Variants in ANO2 observed in about 807,000 individuals in gnomAD.
ANO2 encodes the protein anoctamin-2.
In ANO2, 101 loss-of-function variants were observed where a neutral mutation model predicts 124.2. That is an observed-to-expected ratio of 0.81 (90% CI 0.69 to 0.96). The LOEUF (loss-of-function observed/expected upper bound fraction) is 0.96, where lower values mean the gene tolerates loss of function less well. Ranked by LOEUF, ANO2 falls within the 40% of genes least tolerant of loss-of-function variation. The probability of loss-of-function intolerance (pLI) is 0.00; values close to 1 mark genes in which losing one functional copy is unlikely to be tolerated. For missense variants in ANO2, 1,293 were observed against 1,274.5 expected, an observed-to-expected ratio of 1.01 and a Z score of -0.22; for synonymous variants, 486 against 482.5, an observed-to-expected ratio of 1.01 and a Z score of -0.09.
rs1415662392 is a variant in ANO2 at position 5,647,708 on chromosome 12, G to A, written c.1620+19C>T. The A allele has an allele frequency of 6.3e-7, 1 of 1,589,560 alleles. No homozygotes were observed. The highest frequency in any genetic ancestry group is 8.6e-7 in the Non-Finnish European group (1 of 1,162,144). Reference sequence around the variant, plus strand: ...TACATGCATGCAGTCACAGGCAAGTGGTCCCTCAAGGAAATTACCATGAAT... The same window carrying A: ...TACATGCATGCAGTCACAGGCAAGTAGTCCCTCAAGGAAATTACCATGAAT... On this transcript the variant is annotated intron_variant, in intron 15 of 24. Coordinates refer to ENST00000682330, the MANE Select transcript of ANO2 (RefSeq NM_001364791.2).
chr12:5,922,021 C>T (rs529634926), intron 2 of ANO2, among the ~76,000 whole-genome samples: 7 of 151,974 alleles, frequency 4.6e-5, no homozygotes, highest in South Asian at 4.2e-4. Flanking sequence ...CTCCCACCCA[C>T]GGGAATTCAC....
At chr12:5,707,661 A>C (rs1220220223) in intron 14 of ANO2, among the ~76,000 whole-genome samples, 1 of 152,172 alleles carries the variant, frequency 6.6e-6, no homozygotes, top group Non-Finnish European at 1.5e-5. Flanking sequence ...ACTTTCTAGA[A>C]CATCAATCCA....
intron 4 of ANO2, among the ~76,000 whole-genome samples, chr12:5,853,697 A>G (rs541011041): frequency 3.7e-4 from 56 of 152,050 alleles, no homozygotes; most frequent in Non-Finnish European, 6.9e-4. Flanking sequence ...GCCTTCTCTC[A>G]TTACTCTATT....
At chr12:5,832,642 C>A in intron 4 of ANO2, 39 bp from the exon 5 acceptor site, 1 of 1,576,468 alleles carries the variant, frequency 6.3e-7, no homozygotes, top group South Asian at 1.1e-5. Context: ...AAGGGGGCCA[C>A]TTCCAGCAGA....
chr12:5,625,340 A>G (rs1484228702), intron 16 of ANO2, among the ~76,000 whole-genome samples: 2 of 151,432 alleles, frequency 1.3e-5, no homozygotes, highest in East Asian at 3.9e-4. Context: ...AAAGAACAAT[A>G]CTTACCAGCA....
intron 14 of ANO2, among the ~76,000 whole-genome samples, chr12:5,723,453 C>T (rs939825497): frequency 1.3e-4 from 20 of 152,170 alleles, no homozygotes; most frequent in African/African-American, 4.8e-4. Flanking sequence ...ACATCCTAGA[C>T]TGCCCACATC....
At chr12:5,919,759 G>A (rs1487479732) in intron 3 of ANO2, among the ~76,000 whole-genome samples, 2 of 151,860 alleles carry the variant, frequency 1.3e-5, no homozygotes, top group Non-Finnish European at 2.9e-5. Context: ...GTGCAGTGGC[G>A]CGATCTCGGC....
chr12:5,880,852 G>GTGGATGGT (rs61039611), intron 3 of ANO2, among the ~76,000 whole-genome samples: 1 of 116,926 alleles, frequency 8.6e-6, no homozygotes, highest in African/African-American at 3.3e-5. Context: ...GGGTGGGTGG[G>GTGGATGGT]TGGATAGATG....
At chr12:5,899,775 A>G (rs1241010402) in intron 3 of ANO2, among the ~76,000 whole-genome samples, 1 of 152,194 alleles carries the variant, frequency 6.6e-6, no homozygotes, top group African/African-American at 2.4e-5. Flanking sequence ...AGTCTCTAGG[A>G]CAGCTCATCC....
intron 5 of ANO2, 32 bp downstream of exon 5, chr12:5,832,420 C>T (rs1174595292): frequency 6.2e-7 from 1 of 1,612,762 alleles, no homozygotes. Context: ...TATCCCTTCC[C>T]ACATCTCTGC....
chr12:5,612,509 T>C (rs1944590064), intron 19 of ANO2, 147 bp downstream of exon 19: 1 of 674,986 alleles, frequency 1.5e-6, no homozygotes. Context: ...GTTTGCCCCA[T>C]GGGGAAAGTT....
At chr12:5,563,636 G>A in intron 24 of ANO2, 68 bp from the exon 25 acceptor site, 1 of 1,579,326 alleles carries the variant, frequency 6.3e-7, no homozygotes, top group Middle Eastern at 1.8e-4. Flanking sequence ...CGGCCCTGGA[G>A]CAGAATGCCT....
At chr12:5,627,938 TAA>T (rs35997233) in intron 16 of ANO2, among the ~76,000 whole-genome samples, 1 of 145,422 alleles carries the variant, frequency 6.9e-6, no homozygotes, top group Admixed American at 6.9e-5. Flanking sequence ...TACAAAAAGT[TAA>T]AAAAAAAAAA....
At chr12:5,603,216 GA>G (rs905173432) in intron 19 of ANO2, among the ~76,000 whole-genome samples, 1 of 150,874 alleles carries the variant, frequency 6.6e-6, no homozygotes. Context: ...TCATCTCCAG[GA>G]AAAAAAAATG....
At chr12:5,887,415 C>A (rs571399881) in intron 3 of ANO2, among the ~76,000 whole-genome samples, 5 of 152,300 alleles carry the variant, frequency 3.3e-5, no homozygotes, top group Non-Finnish European at 7.3e-5. Flanking sequence ...CTGAGCCCAG[C>A]CCTGGGGATA....
At chr12:5,903,560 C>T (rs1331558477) in intron 3 of ANO2, among the ~76,000 whole-genome samples, 1 of 152,078 alleles carries the variant, frequency 6.6e-6, no homozygotes, top group African/African-American at 2.4e-5. Context: ...CTGTGCTTTA[C>T]ACCAGAACCT....
chr12:5,722,149 T>C (rs2137053346), intron 14 of ANO2, among the ~76,000 whole-genome samples: 1 of 152,340 alleles, frequency 6.6e-6, no homozygotes, highest in East Asian at 1.9e-4. Flanking sequence ...ACAATGATTT[T>C]GTGCAGTTCT....
intron 3 of ANO2, among the ~76,000 whole-genome samples, chr12:5,897,544 A>G (rs890088467): frequency 6.6e-6 from 1 of 152,226 alleles, no homozygotes; most frequent in African/African-American, 2.4e-5. Context: ...GCACAAGGAT[A>G]GTCAAACAGA....
chr12:5,839,278 C>A (rs1233982688), intron 4 of ANO2, among the ~76,000 whole-genome samples: 1 of 152,112 alleles, frequency 6.6e-6, no homozygotes, highest in Non-Finnish European at 1.5e-5. Context: ...TACAGAAGGT[C>A]CCCTGTGAGT....
Sources: allele counts gnomAD v4.1 joint callset (sites outside exome capture counted in the v4.1 genomes callset), GRCh38; gene constraint gnomAD v4.1.1; transcripts MANE v1.5; gene names NCBI Gene and HGNC (gene_info 2026-07-23, HGNC 2026-07-21).